Variants in WDR72 observed in about 807,000 individuals in gnomAD.
WDR72 encodes WD repeat domain 72.
A neutral mutation model predicts 124.2 loss-of-function variants in WDR72; 120 were observed. The observed-to-expected ratio is 0.97, with a 90% CI of 0.83 to 1.12. The LOEUF is 1.12. Ranked by LOEUF, WDR72 falls within the 50% of genes most tolerant of loss-of-function variation. The probability of loss-of-function intolerance (pLI) is 0.00; values close to 1 mark genes in which losing one functional copy is unlikely to be tolerated. For synonymous variants in WDR72, 452 were observed against 441.7 expected (o/e 1.02, Z -0.29); for missense variants, 1,387 against 1,278.8 (o/e 1.08, Z -1.29).
chr15:53,514,571 C>T lies in WDR72; in HGVS notation c.*3128G>A, dbSNP rs575286357. The T allele has an allele frequency of 1.3e-5, 2 of 152,226 alleles. No individual in the cohort carries two copies. Among genetic ancestry groups the T allele is most frequent in the Admixed American group, 6.5e-5 (1 of 15,290 alleles). 9.4% of individuals were successfully genotyped at this position (152,226 alleles called of 1,614,324 possible). A position where few individuals can be genotyped will look rare whatever the true frequency, so the allele number is the denominator to read the frequency against. Reference sequence around the variant, plus strand: ...AATAAAAGTCACCAAATGCTATCATCTAAAGATAGAATATTAATATTTAAC... The same window carrying T: ...AATAAAAGTCACCAAATGCTATCATTTAAAGATAGAATATTAATATTTAAC... On this transcript the variant is annotated 3_prime_UTR_variant, in exon 20 of 20. Coordinates refer to ENST00000360509, the MANE Select transcript of WDR72 (RefSeq NM_182758.4).
chr15:53,758,482 T>C (rs2018972216), intron 1 of WDR72, among the ~76,000 whole-genome samples: 1 of 152,000 alleles, frequency 6.6e-6, no homozygotes, highest in South Asian at 2.1e-4. Flanking sequence ...GAAGACTCTA[T>C]TGGCACATTT....
intron 1 of WDR72, among the ~76,000 whole-genome samples, chr15:53,749,692 AATTG>A (rs2018728706): frequency 6.6e-6 from 1 of 152,168 alleles, no homozygotes. Context: ...CCATTAGCTA[AATTG>A]TGAATGCAAA....
At chr15:53,623,479 T>TTA (rs139646158) in intron 14 of WDR72, among the ~76,000 whole-genome samples, 4,586 of 149,462 alleles carry the variant, frequency 0.031, 127 homozygotes, top group African/African-American at 0.073. Flanking sequence ...TAGCATTATA[T>TTA]TATATATATA....
chr15:53,609,899 C>CA (rs2013465769), intron 16 of WDR72, among the ~76,000 whole-genome samples: 1 of 151,960 alleles, frequency 6.6e-6, no homozygotes, highest in Non-Finnish European at 1.5e-5. Flanking sequence ...ATTATACTAA[C>CA]ACATATTCAC....
intron 1 of WDR72, among the ~76,000 whole-genome samples, chr15:53,751,504 G>T (rs183521648): frequency 2.6e-5 from 4 of 152,032 alleles, no homozygotes; most frequent in African/African-American, 9.7e-5. Context: ...TTATATTATC[G>T]TATACTTAAT....
At chr15:53,651,523 C>A (rs1385074635) in intron 14 of WDR72, among the ~76,000 whole-genome samples, 2 of 152,210 alleles carry the variant, frequency 1.3e-5, no homozygotes, top group African/African-American at 4.8e-5. Context: ...TTTTGCATTC[C>A]ATGCTACAAA....
Position 53,702,209 on chromosome 15 carries a change from A to C in WDR72, c.1494T>G (p.Thr498=), listed in dbSNP as rs114953645. ...AAAAGAATTTATGCAAAATTTCTTC[A>C]GTAAAGATATCCCACAAGATCACAC... The part of the protein sequence containing the change: ...DSCVILWDIF[T]EEILHKFFLE... The change falls in exon 12 of 20, where the codon ACT becomes ACG. Residue 498 remains threonine (T), a synonymous_variant. Transcript: ENST00000360509. The C allele has an allele frequency of 4.0e-4, 638 of 1,614,138 alleles. 4 individuals carry two copies. In the African/African-American group the frequency reaches 7.9e-3, roughly 20 times the overall value.
chr15:53,544,871 GACAA>G (rs1393532908), intron 18 of WDR72, among the ~76,000 whole-genome samples: 13 of 151,542 alleles, frequency 8.6e-5, no homozygotes, highest in African/African-American at 3.2e-4. Flanking sequence ...ACCAACAACA[GACAA>G]ACAGAGAGCC....
chr15:53,588,437 A>C (rs937003118), intron 18 of WDR72, among the ~76,000 whole-genome samples: 7 of 152,080 alleles, frequency 4.6e-5, no homozygotes, highest in African/African-American at 1.7e-4. Flanking sequence ...GTCAGCACCT[A>C]ACATTGAACC....
At chr15:53,611,251 A>G (rs1353546241) in intron 16 of WDR72, among the ~76,000 whole-genome samples, 1 of 151,888 alleles carries the variant, frequency 6.6e-6, no homozygotes, top group Non-Finnish European at 1.5e-5. Context: ...TCTTCCTATT[A>G]TTTTTTTGAA....
At chr15:53,650,975 G>A (rs545524040) in intron 14 of WDR72, among the ~76,000 whole-genome samples, 1 of 136,150 alleles carries the variant, frequency 7.3e-6, no homozygotes, top group South Asian at 2.5e-4. Flanking sequence ...CTCCTTTTGA[G>A]TAAAATCGTG....
At chr15:53,614,090 A>G (rs79731947) in intron 15 of WDR72, among the ~76,000 whole-genome samples, 2,401 of 152,174 alleles carry the variant, frequency 0.016, 41 homozygotes, top group East Asian at 0.075. Context: ...CTAATGCAAC[A>G]AATTTAAAAA....
At chr15:53,733,264 G>T (rs892339202) in intron 1 of WDR72, 103 bp from the exon 2 acceptor site, 1 of 1,264,550 alleles carries the variant, frequency 7.9e-7, no homozygotes. Context: ...CTTCAATGAT[G>T]TGTTCTCCCA....
At chr15:53,751,002 C>T (rs2018760509) in intron 1 of WDR72, among the ~76,000 whole-genome samples, 1 of 152,186 alleles carries the variant, frequency 6.6e-6, no homozygotes, top group Non-Finnish European at 1.5e-5. Flanking sequence ...CAGAATATTA[C>T]ATAAACTTAG....
At chr15:53,527,353 G>C (rs1892179951) in intron 18 of WDR72, among the ~76,000 whole-genome samples, 2 of 151,986 alleles carry the variant, frequency 1.3e-5, no homozygotes, top group Non-Finnish European at 2.9e-5. Context: ...AGCTGTTAAA[G>C]GGGGCTAGGC....
chr15:53,693,696 G>A (rs934223367), intron 13 of WDR72, among the ~76,000 whole-genome samples: 1 of 152,160 alleles, frequency 6.6e-6, no homozygotes, highest in African/African-American at 2.4e-5. Context: ...AAATTAAAAG[G>A]TGGAAGTTTT....
chr15:53,557,767 T>C (rs769812514), intron 18 of WDR72, among the ~76,000 whole-genome samples: 3 of 152,002 alleles, frequency 2.0e-5, no homozygotes, highest in Non-Finnish European at 2.9e-5. Context: ...TTTAATAGCA[T>C]CTAAGGTTTC....
intron 14 of WDR72, among the ~76,000 whole-genome samples, chr15:53,660,865 G>A (rs2015585883): frequency 6.6e-6 from 1 of 152,144 alleles, no homozygotes; most frequent in African/African-American, 2.4e-5. Flanking sequence ...ACACAGTGCA[G>A]AGGTTGGGAT....
chr15:53,759,083 C>G (rs1326929321), intron 1 of WDR72, among the ~76,000 whole-genome samples: 6 of 152,124 alleles, frequency 3.9e-5, no homozygotes, highest in African/African-American at 1.4e-4. Context: ...TTTCGCCAGC[C>G]CCCGTCCCCA....
Sources: gnomAD v4.1 joint callset for allele counts (sites outside exome capture counted in the v4.1 genomes callset) on GRCh38, gnomAD v4.1.1 for gene constraint, MANE v1.5 for transcripts, NCBI Gene and HGNC (gene_info 2026-07-23, HGNC 2026-07-21) for gene names.